The following NRAP variants were observed in gnomAD, a reference collection of about 807,000 sequenced individuals.
NRAP encodes the protein nebulin related anchoring protein.
In NRAP, 189 loss-of-function variants were observed where a neutral mutation model predicts 225.9. That is an observed-to-expected ratio of 0.84 (90% confidence interval 0.74 to 0.94). The LOEUF (loss-of-function observed/expected upper bound fraction) is 0.94, where lower values mean the gene tolerates loss of function less well. Ranked by LOEUF, NRAP falls within the 40% of genes least tolerant of loss-of-function variation. NRAP has a pLI of 0.00. For missense variants in NRAP, 2,176 were observed against 2,168.7 expected, an observed-to-expected ratio of 1.00 and a Z score of -0.07; for synonymous variants, 769 against 790.7, an observed-to-expected ratio of 0.97 and a Z score of 0.46.
In NRAP at chr10:113,631,936, G is replaced by A. The variant is rs1477841892; in HGVS notation, c.1661C>T (p.Thr554Ile). The change falls in exon 17 of 42, where the codon ACA becomes ATA. Residue 554 changes from threonine (T) to isoleucine (I), a missense_variant. Around this residue, in one of 3 missense-constraint regions of NRAP, gnomAD observed 1,708 missense variants for 1,695.5 expected, o/e 1.01. Coordinates refer to ENST00000359988, the MANE Select transcript of NRAP (RefSeq NM_198060.4). ...CTTCATCTCAAATCCTTTCCCCTTT[G>A]TCTTCTCCCAGCCTTCTTTATACTT... The part of the protein sequence containing the change: ...EVKYKEGWEK[T>I]KGKGFEMKLD... 6.2e-7 allele frequency: 1 copy of A among 1,612,518 alleles called. No individual in the cohort carries two copies. Among genetic ancestry groups the A allele is most frequent in the East Asian group, 2.2e-5 (1 of 44,888 alleles).
At chr10:113,615,494 T>C (rs184961457) in intron 27 of NRAP, among the ~76,000 whole-genome samples, 5 of 152,316 alleles carry the variant, frequency 3.3e-5, no homozygotes, top group Admixed American at 3.3e-4. Context: ...TTCTTTCAAA[T>C]GAGCTGGACT....
rs370799650 is a variant in NRAP at position 113,588,981 on chromosome 10, C to G, written c.5187G>C (p.Leu1729=). The change falls in exon 42 of 42, where the codon CTG becomes CTC. Residue 1729 remains leucine, a synonymous_variant. Coordinates refer to ENST00000359988, the MANE Select transcript of NRAP (RefSeq NM_198060.4). The stretch of plus-strand genomic sequence containing the variant: ...GAATCAGGGTGGACATGGCTCACAA[C>G]AGCAGGGCCTTCTTCTTTTTGACGT... ...ILHVKKKKAL[L]L 3.7e-6 allele frequency: 6 copies of G among 1,613,088 alleles called. No individual in the cohort carries two copies. In the African/African-American group the frequency reaches 8.0e-5, roughly 22 times the overall value.
At chr10:113,641,235 G>T in intron 13 of NRAP, 130 bp downstream of exon 13, 1 of 553,636 alleles carries the variant, frequency 1.8e-6, no homozygotes, top group South Asian at 3.1e-5. Flanking sequence ...AAACTCTTTT[G>T]GGTCAGTCTT....
chr10:113,620,649 T>C lies in NRAP; in HGVS notation c.2829A>G (p.Ser943=), dbSNP rs1351655284. 2 of 1,613,786 alleles carry C rather than the reference T, an allele frequency of 1.2e-6. No homozygotes were observed. Among genetic ancestry groups the C allele is most frequent in the Non-Finnish European group, 1.7e-6 (2 of 1,179,912 alleles). ...MKGMGWVATG[S]LNVEQAKKAG... Reference sequence around the variant, plus strand: ...CCTTCTTCGCCTGCTCCACATTTAATGACCCGGTGGCGACCCAGCCCATGC... The same window carrying C: ...CCTTCTTCGCCTGCTCCACATTTAACGACCCGGTGGCGACCCAGCCCATGC... Residue 943 remains serine, a synonymous_variant, in exon 25 of 42, where the codon TCA becomes TCG. Transcript: ENST00000359988.
chr10:113,611,382 G>C (rs774555259), intron 30 of NRAP, among the ~76,000 whole-genome samples: 1 of 152,188 alleles, frequency 6.6e-6, no homozygotes, highest in Non-Finnish European at 1.5e-5. Context: ...GGTTTTGTGC[G>C]GAGTTTTCTT....
rs1264522190 is a variant in NRAP at position 113,617,514 on chromosome 10, T to C, written c.2914A>G (p.Ser972Gly). 6 of 1,612,742 alleles carry C rather than the reference T, an allele frequency of 3.7e-6. No individual in the cohort carries two copies. The East Asian group carries it at 1.1e-4, about 30-fold the overall frequency. Reference sequence around the variant, plus strand: ...ACCATCTCCGGAGTGTCTTTAATACTGGTAAACTTCAAAGCATCTGGATGC... The same window carrying C: ...ACCATCTCCGGAGTGTCTTTAATACCGGTAAACTTCAAAGCATCTGGATGC... ...RQHPDALKFT[S>G]IKDTPEMVQA... Residue 972 changes from serine (S) to glycine (G), a missense_variant, in exon 26 of 42, where the codon AGT becomes GGT. Physicochemically the swap from Ser to Gly is moderately conservative, Grantham distance 56. Transcript: ENST00000359988.
At position 113,589,244 on chromosome 10, in the gene NRAP, G is replaced by T. The variant is rs1845785485; in HGVS notation, c.5089-165C>A. 8.2e-6 allele frequency: 5 copies of T among 606,716 alleles called. No homozygotes were observed. In the South Asian group the frequency reaches 1.1e-4, roughly 13 times the overall value. The allele number at this position is 606,716 out of a possible 1,614,324, so 37.6% of individuals were successfully genotyped here. The stretch of plus-strand genomic sequence containing the variant: ...CTCCCCAAGAAAAAGGGCCTTCAAG[G>T]CAGGAATGAGAAAGCAAAGCCAATC... On this transcript the variant is annotated intron_variant, in intron 41 of 41. Transcript: ENST00000359988.
chr10:113,641,003 T>C (rs111979843), intron 13 of NRAP, among the ~76,000 whole-genome samples: 2,404 of 152,252 alleles, frequency 0.016, 35 homozygotes, highest in Admixed American at 0.043. Context: ...CAACCAACTC[T>C]CAATAAATCA....
At chr10:113,656,835 T>C (rs1446275792) in intron 4 of NRAP, among the ~76,000 whole-genome samples, 1 of 152,222 alleles carries the variant, frequency 6.6e-6, no homozygotes, top group Non-Finnish European at 1.5e-5. Context: ...CGAGAGTGGG[T>C]ACTTGTACAA....
intron 31 of NRAP, among the ~76,000 whole-genome samples, chr10:113,609,116 C>T (rs1396497000): frequency 6.6e-6 from 1 of 152,060 alleles, no homozygotes; most frequent in African/African-American, 2.4e-5. Context: ...GCTGAGATCG[C>T]ACCATTGCAC....
chr10:113,623,673 A>G (rs767661166), intron 22 of NRAP, 37 bp from the exon 23 acceptor site: 14 of 1,385,332 alleles, frequency 1.0e-5, no homozygotes, highest in Middle Eastern at 3.5e-4. Flanking sequence ...GTGGGTTTTC[A>G]TGTGAGAGGG....
chr10:113,631,685 T>C, intron 17 of NRAP, 75 bp from the exon 18 acceptor site: 1 of 1,026,878 alleles, frequency 9.7e-7, no homozygotes, highest in Non-Finnish European at 1.5e-6. Context: ...TTTTAACAAG[T>C]GCAAGGGGAA....
At chr10:113,589,221 C>G in intron 41 of NRAP, 142 bp from the exon 42 acceptor site, 1 of 647,706 alleles carries the variant, frequency 1.5e-6, no homozygotes, top group Non-Finnish European at 2.6e-6. Flanking sequence ...CTTCTACCCT[C>G]CCCAAGAAAA....
Position 113,646,960 on chromosome 10 carries a change from T to A in NRAP, c.956A>T (p.Tyr319Phe). Residue 319 changes from tyrosine to phenylalanine, a missense_variant, in exon 10 of 42, where the codon TAT becomes TTT. Coordinates refer to ENST00000359988, the MANE Select transcript of NRAP (RefSeq NM_198060.4). Reference protein sequence around the residue: ...GSFPAMITPAYQNAKKAHELA... With the variant: ...GSFPAMITPAFQNAKKAHELA... ...TTCGTGAGCTTTCTTGGCGTTCTGA[T>A]ATGCTGGAGTGATCATAGCTGGGAA... The A allele has an allele frequency of 6.2e-7, 1 of 1,614,088 alleles. No individual in the cohort carries two copies. The highest frequency in any genetic ancestry group is 2.2e-5 in the East Asian group (1 of 44,884).
chr10:113,626,284 G>C (rs1848288840), intron 20 of NRAP, 139 bp from the exon 21 acceptor site: 1 of 632,492 alleles, frequency 1.6e-6, no homozygotes, highest in Non-Finnish European at 2.8e-6. Context: ...TGTTCCTGCA[G>C]CTTGAACAGA....
rs35741231 is a variant in NRAP at position 113,645,944 on chromosome 10, GA to G, written c.994-4del. 1.3e-4 allele frequency: 161 copies of G among 1,247,526 alleles called. 1 individual carries two copies. The highest frequency in any genetic ancestry group is 1.9e-4 in the Middle Eastern group (1 of 5,188). 77.3% of individuals were successfully genotyped at this position (1,247,526 alleles called of 1,614,324 possible). ...TTGAAGTCCTGCCTGTATTTTATCT[GA>G]AAAAAAAAACACAAAACGGGGCTGG... On this transcript the variant is annotated splice_polypyrimidine_tract_variant and splice_region_variant and intron_variant, in intron 10 of 41. Transcript: ENST00000359988.
chr10:113,597,086 C>T lies in NRAP; in HGVS notation c.4431G>A (p.Glu1477=). 1 of 1,604,150 alleles carries T rather than the reference C, an allele frequency of 6.2e-7. No individual in the cohort carries two copies. The highest frequency in any genetic ancestry group is 8.5e-7 in the Non-Finnish European group (1 of 1,170,912). Residue 1477 remains glutamate, a splice_region_variant and synonymous_variant, in exon 37 of 42, where the codon GAG becomes GAA. Coordinates refer to ENST00000359988, the MANE Select transcript of NRAP (RefSeq NM_198060.4). ...GGATGAATGACAAGAAAGGACCCAC[C>T]TCATTGCAGTGCATATAGCTGTTCT... is the stretch of plus-strand genomic sequence containing the variant. The part of the protein sequence containing the change: ...HAKNSYMHCN[E]RMYRSGDAES...
At chr10:113,612,954 CCCCAAAA>C (rs1187473441) in intron 29 of NRAP, among the ~76,000 whole-genome samples, 4 of 152,130 alleles carry the variant, frequency 2.6e-5, no homozygotes, top group African/African-American at 7.2e-5. Flanking sequence ...GATAGGCATT[CCCCAAAA>C]CCCAAAACAC....
intron 14 of NRAP, among the ~76,000 whole-genome samples, chr10:113,637,462 C>A (rs1296566235): frequency 2.0e-5 from 3 of 152,180 alleles, no homozygotes; most frequent in African/African-American, 7.2e-5. Flanking sequence ...TGTTATATTA[C>A]AGATGGGCAA....
Sources: allele counts gnomAD v4.1 joint callset (sites outside exome capture counted in the v4.1 genomes callset), GRCh38; gene constraint gnomAD v4.1.1; regional missense constraint gnomAD v4.1.1; transcripts MANE v1.5; gene names NCBI Gene and HGNC (gene_info 2026-07-23, HGNC 2026-07-21).